ASPRV1: variants seen among roughly 807,000 people sequenced by gnomAD.
The protein encoded by ASPRV1 is retroviral-like aspartic protease 1.
ASPRV1 carries 7 observed loss-of-function variants against 11.0 expected under a neutral mutation model. The ratio of observed to expected loss-of-function variants is 0.64; its 90% CI spans 0.36 to 1.20. The LOEUF is 1.20. Among genes scored for constraint, ASPRV1 ranks in the 50% most tolerant of loss-of-function variants. The pLI, the probability that ASPRV1 is intolerant of heterozygous loss-of-function variation, is 0.02. For missense variants in ASPRV1, 299 were observed against 320.0 expected, an observed-to-expected ratio of 0.93 and a Z score of 0.50; for synonymous variants, 136 against 138.4, an observed-to-expected ratio of 0.98 and a Z score of 0.12.
chr2:70,086,587 C>G, the ASPRV1 span: 2 of 152,232 alleles, frequency 1.3e-5, no homozygotes, highest in African/African-American at 4.8e-5. Context: ...CCAGGCCGCG[C>G]GGGGAAAGCC....
At chr2:70,065,224 C>T in the ASPRV1 span, among the ~76,000 whole-genome samples, 75 of 151,454 alleles carry the variant, frequency 5.0e-4, no homozygotes, top group African/African-American at 1.6e-3. Context: ...CTGGCTAACA[C>T]GGTGAAATCC....
chr2:69,999,655 CAAAAAAAAA>C, the ASPRV1 span, among the ~76,000 whole-genome samples: 1 of 54,016 alleles, frequency 1.9e-5, no homozygotes, highest in Non-Finnish European at 4.2e-5. Flanking sequence ...GACTCTGTCT[CAAAAAAAAA>C]AAAAAAAAAA....
upstream of ASPRV1, chr2:69,964,096 G>A (rs1678249519): frequency 4.9e-6 from 1 of 205,540 alleles, no homozygotes; most frequent in African/African-American, 2.3e-5. Context: ...ACCCCTGCAT[G>A]GAAGCCTTGG....
chr2:70,061,940 G>C, the ASPRV1 span, among the ~76,000 whole-genome samples: 1 of 150,570 alleles, frequency 6.6e-6, no homozygotes, highest in Admixed American at 6.6e-5. Flanking sequence ...TGCAGCCTGG[G>C]TGACAAGAGC....
the ASPRV1 span, chr2:70,077,154 A>T: frequency 6.6e-6 from 1 of 152,200 alleles, no homozygotes; most frequent in Non-Finnish European, 1.5e-5. Context: ...CAACCAACAT[A>T]AAGTTCTTAG....
chr2:69,963,648 T>C (rs1240646014), upstream of ASPRV1: 1 of 359,978 alleles, frequency 2.8e-6, no homozygotes, highest in African/African-American at 2.1e-5. Flanking sequence ...ATCTCCCTAC[T>C]GCCCTTAGAC....
At chr2:70,031,831 T>G in the ASPRV1 span, 1 of 152,424 alleles carries the variant, frequency 6.6e-6, no homozygotes, top group African/African-American at 2.4e-5. Flanking sequence ...ACAGCTCAGC[T>G]TTTACTTATG....
rs1678078768 is a variant in ASPRV1 at position 69,961,074 on chromosome 2, C to T, written c.363G>A (p.Val121=). Reference sequence around the variant, plus strand: ...CAGAGTCCACCAGGAACCTCACGGGCACTTTGCCAATCTTCCCCTTGAGAT... The same window carrying T: ...CAGAGTCCACCAGGAACCTCACGGGTACTTTGCCAATCTTCCCCTTGAGAT... ...GYYLKGKIGK[V]PVRFLVDSGA... is the part of the protein sequence containing the mutation. Residue 121 remains valine, a synonymous_variant, in exon 1 of 1, where the codon GTG becomes GTA. Transcript: ENST00000320256. 6.2e-7 allele frequency: 1 copy of T among 1,613,804 alleles called. No individual in the cohort carries two copies. Among genetic ancestry groups the T allele is most frequent in the Admixed American group, 1.7e-5 (1 of 60,004 alleles).
the ASPRV1 span, among the ~76,000 whole-genome samples, chr2:69,991,508 T>C: frequency 2.8e-4 from 42 of 152,344 alleles, no homozygotes; most frequent in African/African-American, 1.0e-3. Flanking sequence ...CTCTGGGGGC[T>C]GGGTCACCTG....
the ASPRV1 span, among the ~76,000 whole-genome samples, chr2:70,065,716 T>C: frequency 6.8e-6 from 1 of 146,466 alleles, no homozygotes; most frequent in Non-Finnish European, 1.5e-5. Flanking sequence ...TCCCAGCTAC[T>C]GGGGAGGCTG....
At chr2:70,003,942 C>T in the ASPRV1 span, among the ~76,000 whole-genome samples, 4 of 152,144 alleles carry the variant, frequency 2.6e-5, no homozygotes. Flanking sequence ...CAAAGCCCCT[C>T]GATCTTGGAC....
upstream of ASPRV1, among the ~76,000 whole-genome samples, chr2:69,964,015 T>C (rs927716549): frequency 6.6e-6 from 1 of 152,202 alleles, no homozygotes; most frequent in Non-Finnish European, 1.5e-5. Flanking sequence ...TTGGTGGAAG[T>C]ATTTACATCA....
At chr2:70,045,308 CTTCT>C in the ASPRV1 span, 1 of 152,202 alleles carries the variant, frequency 6.6e-6, no homozygotes, top group South Asian at 2.1e-4. Flanking sequence ...AGTTACATAA[CTTCT>C]TTGACTTTCA....
the ASPRV1 span, among the ~76,000 whole-genome samples, chr2:70,069,791 G>T: frequency 3.3e-5 from 5 of 152,018 alleles, no homozygotes; most frequent in Non-Finnish European, 7.4e-5. Flanking sequence ...TTTGCTTGAG[G>T]TTCATCTGTA....
At chr2:70,072,145 T>A in the ASPRV1 span, among the ~76,000 whole-genome samples, 180 of 151,662 alleles carry the variant, frequency 1.2e-3, no homozygotes, top group Non-Finnish European at 2.2e-3. Context: ...AGAGATGGGG[T>A]TTCGCCACAT....
chr2:69,954,708 T>C, the ASPRV1 span, among the ~76,000 whole-genome samples: 6 of 152,282 alleles, frequency 3.9e-5, 1 homozygote, highest in African/African-American at 1.4e-4. Context: ...TCATTCATCT[T>C]TAAAGACTCA....
chr2:70,036,395 C>T, the ASPRV1 span, among the ~76,000 whole-genome samples: 1 of 151,540 alleles, frequency 6.6e-6, no homozygotes, highest in Admixed American at 6.6e-5. Flanking sequence ...GCTGTAATGG[C>T]AATACAAGTA....
chr2:69,983,191 T>G, the ASPRV1 span, among the ~76,000 whole-genome samples: 2 of 152,124 alleles, frequency 1.3e-5, no homozygotes, highest in African/African-American at 4.8e-5. Context: ...AGTGCTGGGA[T>G]TCCAGGCGTG....
the ASPRV1 span, among the ~76,000 whole-genome samples, chr2:69,933,938 A>G: frequency 1.3e-5 from 2 of 152,238 alleles, no homozygotes; most frequent in South Asian, 2.1e-4. Flanking sequence ...TGTGTGGGCA[A>G]TGAATGTTAT....
Sources: allele counts gnomAD v4.1 joint callset (sites outside exome capture counted in the v4.1 genomes callset), GRCh38; gene constraint gnomAD v4.1.1; transcripts MANE v1.5; gene names NCBI Gene and HGNC (gene_info 2026-07-23, HGNC 2026-07-21).